The following PRKG1 variants were observed in gnomAD, a reference collection of about 807,000 sequenced individuals.
The protein encoded by PRKG1 is cGMP-dependent protein kinase 1.
Under a neutral mutation model 88.1 loss-of-function variants are expected in PRKG1, and 35 were observed. The observed-to-expected ratio is 0.40, with a 90% CI of 0.30 to 0.53. The LOEUF is 0.53. Among genes scored for constraint, PRKG1 ranks in the 20% least tolerant of loss-of-function variants. The pLI, the probability that PRKG1 is intolerant of heterozygous loss-of-function variation, is 0.59. For missense variants in PRKG1, 540 were observed against 839.8 expected (o/e 0.64, Z 4.41); for synonymous variants, 303 against 292.5 (o/e 1.04, Z -0.37).
intron 3 of PRKG1, among the ~76,000 whole-genome samples, chr10:51,569,698 G>C (rs1837696371): frequency 6.6e-6 from 1 of 151,956 alleles, no homozygotes; most frequent in African/African-American, 2.4e-5. Context: ...AGAGCAGTTT[G>C]AGCATCAGAA....
At chr10:51,067,849 G>A (rs1366495863) in intron 1 of PRKG1, among the ~76,000 whole-genome samples, 1 of 151,970 alleles carries the variant, frequency 6.6e-6, no homozygotes, top group African/African-American at 2.4e-5. Flanking sequence ...ATAGGTGTTT[G>A]AACATTTGTC....
intron 3 of PRKG1, chr10:51,698,051 C>G: frequency 6.2e-7 from 1 of 1,614,124 alleles, no homozygotes; most frequent in Non-Finnish European, 8.5e-7. Flanking sequence ...ATTCCCCACC[C>G]CTGAAATGCC....
intron 3 of PRKG1, among the ~76,000 whole-genome samples, chr10:51,547,328 A>G (rs1375971216): frequency 6.6e-6 from 1 of 151,688 alleles, no homozygotes; most frequent in Non-Finnish European, 1.5e-5. Context: ...TTTATTTAAT[A>G]TATTAAAAAT....
chr10:51,835,879 T>A (rs1268399752), intron 4 of PRKG1, among the ~76,000 whole-genome samples: 1 of 152,202 alleles, frequency 6.6e-6, no homozygotes, highest in African/African-American at 2.4e-5. Context: ...TTTCTTCACA[T>A]CCTCACTGAT....
intron 1 of PRKG1, among the ~76,000 whole-genome samples, chr10:51,019,843 G>T (rs1395370635): frequency 6.6e-6 from 1 of 151,840 alleles, no homozygotes. Flanking sequence ...CAAAGGAAAT[G>T]AATAGAAATT....
intron 3 of PRKG1, among the ~76,000 whole-genome samples, chr10:51,497,643 C>T (rs1330289291): frequency 6.6e-6 from 1 of 152,086 alleles, no homozygotes; most frequent in Non-Finnish European, 1.5e-5. Context: ...TGACAAAGAG[C>T]AAATAGGAGC....
chr10:51,650,222 A>G (rs1840007609), intron 3 of PRKG1, among the ~76,000 whole-genome samples: 1 of 152,098 alleles, frequency 6.6e-6, no homozygotes, highest in Non-Finnish European at 1.5e-5. Context: ...TGGAATCTGG[A>G]CTTGTTTTCT....
At chr10:51,702,801 A>G (rs1282730774) in intron 3 of PRKG1, among the ~76,000 whole-genome samples, 1 of 152,070 alleles carries the variant, frequency 6.6e-6, no homozygotes, top group Non-Finnish European at 1.5e-5. Context: ...AGCTCAAGCA[A>G]TTCTCCTGCC....
chr10:51,517,461 T>C (rs1564531546), intron 3 of PRKG1, among the ~76,000 whole-genome samples: 2 of 152,194 alleles, frequency 1.3e-5, no homozygotes, highest in Non-Finnish European at 2.9e-5. Flanking sequence ...ATGACCTGGA[T>C]CTGGGGATTG....
At chr10:51,151,505 G>C (rs959066520) in intron 1 of PRKG1, among the ~76,000 whole-genome samples, 4 of 151,486 alleles carry the variant, frequency 2.6e-5, no homozygotes, top group South Asian at 4.2e-4. Flanking sequence ...CAAAATTTTT[G>C]AGGTGTCAGG....
chr10:51,810,858 A>G (rs1839438859), intron 4 of PRKG1, among the ~76,000 whole-genome samples: 1 of 152,172 alleles, frequency 6.6e-6, no homozygotes, highest in African/African-American at 2.4e-5. Flanking sequence ...CTTCTGTTTA[A>G]TTGCTTTACA....
chr10:51,908,421 A>G (rs1280758897), intron 5 of PRKG1: 2 of 152,194 alleles, frequency 1.3e-5, no homozygotes, highest in African/African-American at 4.8e-5. Context: ...TGGAGTCAGA[A>G]AAAGGTGTGT....
chr10:52,023,058 C>G (rs1335211380), intron 5 of PRKG1, among the ~76,000 whole-genome samples: 1 of 152,084 alleles, frequency 6.6e-6, no homozygotes, highest in Non-Finnish European at 1.5e-5. Flanking sequence ...TAATGCAATC[C>G]TGACCCTAGC....
At chr10:51,237,742 T>C (rs1177800108) in intron 2 of PRKG1, among the ~76,000 whole-genome samples, 1 of 152,162 alleles carries the variant, frequency 6.6e-6, no homozygotes, top group Non-Finnish European at 1.5e-5. Context: ...ATTCTGATTA[T>C]AAAACACTTC....
intron 2 of PRKG1, among the ~76,000 whole-genome samples, chr10:51,253,073 C>A (rs1437528311): frequency 6.6e-6 from 1 of 151,792 alleles, no homozygotes; most frequent in Non-Finnish European, 1.5e-5. Flanking sequence ...GCAAATTCTG[C>A]CCTTTTTAGG....
At chr10:51,589,452 C>T (rs960736991) in intron 3 of PRKG1, among the ~76,000 whole-genome samples, 6 of 152,080 alleles carry the variant, frequency 3.9e-5, no homozygotes, top group Non-Finnish European at 7.4e-5. Flanking sequence ...CATGAAACCC[C>T]GTCTCTACTA....
In PRKG1 at chr10:51,131,547, G is replaced by A. The variant is rs141363385; in HGVS notation, c.312-21617G>A. On this transcript the variant is annotated intron_variant, in intron 1 of 17. Coordinates refer to ENST00000373980, the MANE Select transcript of PRKG1 (RefSeq NM_006258.4). ...GGATCACCTGAGGCCAGGAGTTCGA[G>A]ACCAGCCTGATCAACATGGTGAAAC... Among the ~76,000 whole-genome samples the A allele has an allele frequency of 2.1e-3, 316 of 152,242 alleles. 2 individuals carry two copies. The highest frequency in any genetic ancestry group is 7.4e-3 in the African/African-American group (306 of 41,532).
intron 3 of PRKG1, among the ~76,000 whole-genome samples, chr10:51,606,704 A>C (rs931642106): frequency 6.6e-6 from 1 of 152,052 alleles, no homozygotes; most frequent in Non-Finnish European, 1.5e-5. Context: ...CTAGAGGGAG[A>C]TGTTTTATTT....
At chr10:51,064,220 T>C (rs529541731) in intron 1 of PRKG1, among the ~76,000 whole-genome samples, 1 of 152,180 alleles carries the variant, frequency 6.6e-6, no homozygotes, top group South Asian at 2.1e-4. Flanking sequence ...TGGGAAATGG[T>C]GCTTCCAAAA....
Sources: allele counts gnomAD v4.1 joint callset (sites outside exome capture counted in the v4.1 genomes callset), GRCh38; gene constraint gnomAD v4.1.1; transcripts MANE v1.5; gene names NCBI Gene and HGNC (gene_info 2026-07-23, HGNC 2026-07-21).